Variants in PLCB1 observed in about 807,000 individuals in gnomAD.
PLCB1 encodes the protein 1-phosphatidylinositol 4,5-bisphosphate phosphodiesterase beta-1.
PLCB1 carries 46 observed loss-of-function variants against 161.8 expected under a neutral mutation model. The observed-to-expected ratio is 0.28, with a 90% confidence interval of 0.22 to 0.36. PLCB1 has a LOEUF of 0.36. Ranked by LOEUF, PLCB1 falls within the 10% of genes least tolerant of loss-of-function variation. PLCB1 has a pLI of 1.00. For missense variants in PLCB1, 1,016 were observed against 1,472.5 expected (o/e 0.69, Z 5.07); for synonymous variants, 517 against 503.7 (o/e 1.03, Z -0.35).
Position 8,834,810 on chromosome 20 carries a change from GAAAAAAAAA to G in PLCB1, c.3423+44568_3423+44576del, listed in dbSNP as rs10568816. The stretch of plus-strand genomic sequence containing the variant: ...AGCCTGGGCGATAGACTCTGCCTCA[GAAAAAAAAA>G]AAAAAAAAAAAAAAAAAACCACAGG... On this transcript the variant is annotated intron_variant, in intron 31 of 31. Coordinates refer to ENST00000338037, the MANE Select transcript of PLCB1 (RefSeq NM_015192.4). Among the ~76,000 whole-genome samples the G allele has an allele frequency of 6.8e-4, 58 of 85,596 alleles. 1 individual carries two copies. The highest frequency in any genetic ancestry group is 2.4e-3 in the African/African-American group (51 of 21,642). The allele number at this position is 85,596 out of a possible 152,430, so 56.2% of individuals were successfully genotyped here. A position where few individuals can be genotyped will look rare whatever the true frequency, so the allele number is the denominator to read the frequency against.
intron 3 of PLCB1, among the ~76,000 whole-genome samples, chr20:8,406,709 CAA>C (rs1389687979): frequency 1.3e-5 from 2 of 152,100 alleles, no homozygotes; most frequent in Admixed American, 6.6e-5. Context: ...GAATATAATG[CAA>C]AGAGTAAGGC....
At chr20:8,575,978 A>G (rs1019812969) in intron 3 of PLCB1, among the ~76,000 whole-genome samples, 1 of 152,250 alleles carries the variant, frequency 6.6e-6, no homozygotes, top group African/African-American at 2.4e-5. Flanking sequence ...TAACTAAGTC[A>G]TAAGTACTCT....
chr20:8,768,447 C>T (rs1982484540), intron 26 of PLCB1, among the ~76,000 whole-genome samples: 1 of 152,098 alleles, frequency 6.6e-6, no homozygotes, highest in Non-Finnish European at 1.5e-5. Flanking sequence ...CCACCATGAC[C>T]TCATTCTATT....
intron 1 of PLCB1, among the ~76,000 whole-genome samples, chr20:8,146,795 A>G (rs2051458436): frequency 6.6e-6 from 1 of 152,156 alleles, no homozygotes; most frequent in Non-Finnish European, 1.5e-5. Context: ...ACATCTTCTT[A>G]ATTACTATAT....
chr20:8,521,432 G>A (rs1984344568), intron 3 of PLCB1, among the ~76,000 whole-genome samples: 2 of 152,104 alleles, frequency 1.3e-5, no homozygotes, highest in South Asian at 2.1e-4. Flanking sequence ...GGCCCTGTAG[G>A]GTGGCTCATG....
At chr20:8,770,953 A>G (rs1380467194) in intron 26 of PLCB1, among the ~76,000 whole-genome samples, 2 of 152,172 alleles carry the variant, frequency 1.3e-5, no homozygotes, top group East Asian at 3.9e-4. Context: ...ATATCCTGCA[A>G]ACTTCCAGTA....
chr20:8,737,456 A>T (rs1169422360), intron 20 of PLCB1, among the ~76,000 whole-genome samples: 1 of 152,230 alleles, frequency 6.6e-6, no homozygotes, highest in Non-Finnish European at 1.5e-5. Flanking sequence ...AACTCATATC[A>T]TCTGATAGTA....
intron 9 of PLCB1, among the ~76,000 whole-genome samples, chr20:8,672,885 G>A (rs2015458): frequency 0.38 from 57,199 of 151,832 alleles, 11,351 homozygotes; most frequent in Non-Finnish European, 0.43. Context: ...GTTGAGGTGG[G>A]TGGATAACTT....
chr20:8,228,250 G>A (rs1054973006), intron 2 of PLCB1, among the ~76,000 whole-genome samples: 3 of 152,006 alleles, frequency 2.0e-5, no homozygotes, highest in Non-Finnish European at 4.4e-5. Flanking sequence ...CCCAGCAAGA[G>A]GATGTTTGGT....
In PLCB1 at chr20:8,382,758, A is replaced by T. The variant is rs548633213; in HGVS notation, c.246+11308A>T. On this transcript the variant is annotated intron_variant, in intron 3 of 31. Coordinates refer to ENST00000338037, the MANE Select transcript of PLCB1 (RefSeq NM_015192.4). ...GAGACGGGGTTTCACCATGTTAGCC[A>T]GGATGGTCTCGATCTCCTGACCTCA... Among the ~76,000 whole-genome samples the T allele has an allele frequency of 3.3e-5, 5 of 152,208 alleles. No homozygotes were observed. In the South Asian group the frequency reaches 1.0e-3, roughly 32 times the overall value.
chr20:8,880,856 C>CTTTTTTTTTTTTTTTTTTTTTTTT (rs753470997), intron 31 of PLCB1: 5 of 107,580 alleles, frequency 4.6e-5, no homozygotes, highest in South Asian at 3.7e-4. Context: ...TTCTTTCTTT[C>CTTTTTTTTTTTTTTTTTTTTTTTT]TTTCTTTTTT....
At chr20:8,495,388 CTTTTTTTTTTTTTTTTTTT>C (rs869173548) in intron 3 of PLCB1, among the ~76,000 whole-genome samples, 1 of 94,364 alleles carries the variant, frequency 1.1e-5, no homozygotes, top group Non-Finnish European at 2.0e-5. Flanking sequence ...ACCTTCCTTT[CTTTTTTTTTTTTTTTTTTT>C]TTTTTTTTGA....
intron 4 of PLCB1, among the ~76,000 whole-genome samples, chr20:8,636,206 A>T (rs1030102865): frequency 6.6e-6 from 1 of 152,224 alleles, no homozygotes; most frequent in Non-Finnish European, 1.5e-5. Context: ...GTTTGCAAAC[A>T]TGAAAAGTTA....
chr20:8,516,664 C>CATATAT lies in PLCB1; in HGVS notation c.247-111589_247-111584dup, dbSNP rs57237224. ...AAGGTTTTTATAGAAAATATAACATCATATATATATATATATATATATATA... is the reference window on the plus strand; with the variant it reads ...AAGGTTTTTATAGAAAATATAACATCATATATATATATATATATATATATATATATA... On this transcript the variant is annotated intron_variant, in intron 3 of 31. Transcript: ENST00000338037. Among the ~76,000 whole-genome samples, 30 of 72,242 alleles carry CATATAT rather than the reference C, an allele frequency of 4.2e-4. 1 individual carries two copies. Among genetic ancestry groups the CATATAT allele is most frequent in the East Asian group, 7.2e-4 (1 of 1,394 alleles). 47.4% of individuals were successfully genotyped at this position (72,242 alleles called of 152,430 possible).
intron 3 of PLCB1, among the ~76,000 whole-genome samples, chr20:8,421,995 C>T (rs112111731): frequency 1.9e-3 from 288 of 152,324 alleles, no homozygotes; most frequent in Middle Eastern, 3.4e-3. Flanking sequence ...AATATTACAA[C>T]TACAGGCAAG....
chr20:8,216,628 G>A (rs182943303), intron 2 of PLCB1, among the ~76,000 whole-genome samples: 86 of 152,194 alleles, frequency 5.7e-4, no homozygotes, highest in African/African-American at 1.8e-3. Context: ...TCAACCAAAG[G>A]TAGTTTCCTG....
At chr20:8,446,964 A>G (rs560973357) in intron 3 of PLCB1, among the ~76,000 whole-genome samples, 12 of 152,330 alleles carry the variant, frequency 7.9e-5, no homozygotes, top group African/African-American at 2.9e-4. Context: ...CAAGGTTCAA[A>G]GAGGACTCGG....
At chr20:8,738,310 A>C (rs1013264748) in intron 20 of PLCB1, among the ~76,000 whole-genome samples, 1 of 152,196 alleles carries the variant, frequency 6.6e-6, no homozygotes, top group East Asian at 1.9e-4. Context: ...CAACAGTGTA[A>C]AAGTGTTCCT....
chr20:8,873,727 A>T (rs374158908), intron 31 of PLCB1, among the ~76,000 whole-genome samples: 7 of 152,232 alleles, frequency 4.6e-5, no homozygotes, highest in African/African-American at 1.7e-4. Flanking sequence ...CAAAAATATA[A>T]TTATTTCTCC....
Sources: allele counts gnomAD v4.1 joint callset (sites outside exome capture counted in the v4.1 genomes callset), GRCh38; gene constraint gnomAD v4.1.1; transcripts MANE v1.5; gene names NCBI Gene and HGNC (gene_info 2026-07-23, HGNC 2026-07-21).